The following UBR1 variants were observed in gnomAD, a reference collection of about 807,000 sequenced individuals.
The protein encoded by UBR1 is E3 ubiquitin-protein ligase UBR1.
Under a neutral mutation model 242.1 loss-of-function variants are expected in UBR1, and 102 were observed. The ratio of observed to expected loss-of-function variants is 0.42; its 90% CI spans 0.36 to 0.50. UBR1 has a LOEUF of 0.50. UBR1 is among the 20% of genes least tolerant of loss of function. The pLI is 0.01. For missense variants in UBR1, 1,772 were observed against 2,101.8 expected (o/e 0.84, Z 3.07); for synonymous variants, 675 against 684.8 (o/e 0.99, Z 0.22).
chr15:43,033,839 C>T (rs939549855), intron 19 of UBR1, among the ~76,000 whole-genome samples: 1 of 152,114 alleles, frequency 6.6e-6, no homozygotes, highest in Non-Finnish European at 1.5e-5. Flanking sequence ...CACGGTGGCT[C>T]ACGCCTATAA....
At chr15:42,994,254 A>C (rs978695923) in intron 33 of UBR1, among the ~76,000 whole-genome samples, 2 of 152,104 alleles carry the variant, frequency 1.3e-5, no homozygotes, top group African/African-American at 4.8e-5. Flanking sequence ...TGTTATTAAT[A>C]ATCCATGGAA....
chr15:43,014,364 C>G (rs2032976338), intron 29 of UBR1, among the ~76,000 whole-genome samples: 1 of 151,520 alleles, frequency 6.6e-6, no homozygotes, highest in Non-Finnish European at 1.5e-5. Context: ...TGTGAGGAGC[C>G]CCTCTGCCTG....
chr15:43,019,364 A>G (rs555891995), intron 27 of UBR1, among the ~76,000 whole-genome samples: 1 of 151,014 alleles, frequency 6.6e-6, no homozygotes, highest in African/African-American at 2.4e-5. Context: ...CGCCAGGCCA[A>G]TAATGATATT....
At chr15:42,984,839 A>G (rs764154317) in intron 36 of UBR1, 48 bp downstream of exon 36, 29 of 1,466,048 alleles carry the variant, frequency 2.0e-5, no homozygotes, top group Middle Eastern at 1.8e-4. Context: ...TGTGGGGGGG[A>G]AAAAAGGCAT....
chr15:42,982,676 G>A (rs924973243), intron 37 of UBR1, among the ~76,000 whole-genome samples: 4 of 151,932 alleles, frequency 2.6e-5, no homozygotes, highest in African/African-American at 9.7e-5. Flanking sequence ...GGATTGACAA[G>A]GAAAAACACT....
rs2033037243 is a variant in UBR1, at chr15:43,017,180, A to G, written c.2942T>C (p.Met981Thr). The change falls in exon 28 of 47, where the codon ATG becomes ACG. Residue 981 changes from methionine to threonine, a missense_variant and splice_region_variant. Around this residue, in one of 3 missense-constraint regions of UBR1, gnomAD observed 965 missense variants for 1,079.7 expected, o/e 0.89. Coordinates refer to ENST00000290650, the MANE Select transcript of UBR1 (RefSeq NM_174916.3). Reference sequence around the variant, plus strand: ...TCTTAATCGCTTCACTGTGTCAAACATCTGTGAAAAACAGATGAAACGTTA... The same window carrying G: ...TCTTAATCGCTTCACTGTGTCAAACGTCTGTGAAAAACAGATGAAACGTTA... ...QKDMITWILQMFDTVKRLREK... is the reference protein window; with the variant it reads ...QKDMITWILQTFDTVKRLREK... 1 of 1,610,820 alleles carries G rather than the reference A, an allele frequency of 6.2e-7. No homozygotes were observed. Among genetic ancestry groups the G allele is most frequent in the African/African-American group, 1.3e-5 (1 of 75,026 alleles).
chr15:43,000,164 C>T (rs1042908870), intron 32 of UBR1, among the ~76,000 whole-genome samples: 1 of 151,874 alleles, frequency 6.6e-6, no homozygotes, highest in African/African-American at 2.4e-5. Flanking sequence ...TTCCTAAAAT[C>T]CAAAAAAGGC....
chr15:42,969,132 C>T (rs2032160846), intron 40 of UBR1, among the ~76,000 whole-genome samples: 1 of 152,158 alleles, frequency 6.6e-6, no homozygotes, highest in Non-Finnish European at 1.5e-5. Context: ...ACACTCCCAC[C>T]AACAGTGTAA....
intron 5 of UBR1, among the ~76,000 whole-genome samples, chr15:43,068,447 A>C: frequency 6.6e-6 from 1 of 152,058 alleles, no homozygotes; most frequent in South Asian, 2.1e-4. Context: ...TTGACCTCCC[A>C]AAGTGCCAGG....
chr15:43,101,562 G>A (rs2034235323), intron 1 of UBR1, among the ~76,000 whole-genome samples: 1 of 152,152 alleles, frequency 6.6e-6, no homozygotes, highest in Non-Finnish European at 1.5e-5. Context: ...AGGTGCGATG[G>A]CTCACATCTG....
chr15:43,079,648 G>A (rs1286322536), intron 3 of UBR1, among the ~76,000 whole-genome samples: 1 of 152,180 alleles, frequency 6.6e-6, no homozygotes, highest in Non-Finnish European at 1.5e-5. Context: ...CGGGTATGGT[G>A]GTGGGCGCCT....
intron 3 of UBR1, among the ~76,000 whole-genome samples, chr15:43,081,596 A>C (rs929500500): frequency 1.3e-5 from 2 of 152,126 alleles, no homozygotes; most frequent in African/African-American, 4.8e-5. Flanking sequence ...TGTGTTTACT[A>C]CTGATCATTT....
intron 1 of UBR1, among the ~76,000 whole-genome samples, chr15:43,090,121 T>C (rs970525623): frequency 1.3e-5 from 2 of 152,194 alleles, no homozygotes; most frequent in African/African-American, 4.8e-5. Context: ...TTATGCAACA[T>C]TTTTTATAGT....
intron 29 of UBR1, among the ~76,000 whole-genome samples, chr15:43,010,005 G>A (rs2032895616): frequency 6.6e-6 from 1 of 152,128 alleles, no homozygotes; most frequent in Admixed American, 6.5e-5. Flanking sequence ...TGAAGTAGCT[G>A]GGATTACAGG....
intron 46 of UBR1, among the ~76,000 whole-genome samples, chr15:42,946,894 T>A (rs1422404375): frequency 6.6e-6 from 1 of 152,130 alleles, no homozygotes; most frequent in Non-Finnish European, 1.5e-5. Flanking sequence ...ATGCCTGTAA[T>A]CCCAGCACTT....
intron 1 of UBR1, among the ~76,000 whole-genome samples, chr15:43,101,925 G>A (rs1254434097): frequency 5.6e-5 from 7 of 124,574 alleles, no homozygotes; most frequent in Admixed American, 2.2e-4. Context: ...CCGAGATCTC[G>A]CCACGCACTC....
chr15:42,960,008 A>G (rs2141254781), intron 43 of UBR1, among the ~76,000 whole-genome samples: 1 of 152,352 alleles, frequency 6.6e-6, no homozygotes, highest in Non-Finnish European at 1.5e-5. Flanking sequence ...ATACAATACC[A>G]GTCAGGCCCT....
chr15:42,998,746 T>C (rs564581076), intron 32 of UBR1, among the ~76,000 whole-genome samples: 1 of 152,320 alleles, frequency 6.6e-6, no homozygotes, highest in South Asian at 2.1e-4. Context: ...GCTTCTACTC[T>C]TGTGTTTCAT....
intron 39 of UBR1, among the ~76,000 whole-genome samples, chr15:42,975,115 C>T (rs1026848905): frequency 3.4e-4 from 52 of 152,108 alleles, no homozygotes; most frequent in South Asian, 2.7e-3. Flanking sequence ...AGGCTGGTCT[C>T]GAACTCCTGA....
Sources: gnomAD v4.1 joint callset for allele counts (sites outside exome capture counted in the v4.1 genomes callset) on GRCh38, gnomAD v4.1.1 for gene constraint, gnomAD v4.1.1 regional missense constraint, MANE v1.5 for transcripts, NCBI Gene and HGNC (gene_info 2026-07-23, HGNC 2026-07-21) for gene names.